PRDM11: variants seen among roughly 807,000 people sequenced by gnomAD.
PRDM11 encodes PR/SET domain 11, also known as PR domain-containing protein 11.
In PRDM11, 20 loss-of-function variants were observed where a neutral mutation model predicts 97.8. The observed-to-expected ratio is 0.20, with a 90% CI of 0.14 to 0.30. The LOEUF (loss-of-function observed/expected upper bound fraction) is 0.30. Ranked by LOEUF, PRDM11 falls within the 10% of genes least tolerant of loss-of-function variation. The pLI, the probability that PRDM11 is intolerant of heterozygous loss-of-function variation, is 1.00. For missense variants in PRDM11, 1,139 were observed against 1,555.2 expected (o/e 0.73, Z 4.50); for synonymous variants, 599 against 637.7 (o/e 0.94, Z 0.91).
At chr11:45,112,136 C>A (rs970937067) in intron 1 of PRDM11, among the ~76,000 whole-genome samples, 1 of 152,176 alleles carries the variant, frequency 6.6e-6, no homozygotes, top group Non-Finnish European at 1.5e-5. Context: ...TCCCTTATAT[C>A]ATTCTAATGC....
intron 1 of PRDM11, among the ~76,000 whole-genome samples, chr11:45,109,782 A>G (rs1590342169): frequency 1.3e-5 from 2 of 152,314 alleles, no homozygotes; most frequent in East Asian, 1.9e-4. Context: ...GCAAAAAGGT[A>G]GAAAGATTGA....
intron 1 of PRDM11, among the ~76,000 whole-genome samples, chr11:45,105,038 G>A (rs1391916847): frequency 2.0e-5 from 3 of 152,346 alleles, no homozygotes; most frequent in South Asian, 2.1e-4. Context: ...GAGCAAACAT[G>A]TATTTCTTAT....
chr11:45,178,444 C>T (rs1026259433), intron 1 of PRDM11, among the ~76,000 whole-genome samples: 1 of 152,196 alleles, frequency 6.6e-6, no homozygotes, highest in Non-Finnish European at 1.5e-5. Context: ...ATCCTACCCC[C>T]CAGTGCACCT....
intron 4 of PRDM11, among the ~76,000 whole-genome samples, chr11:45,197,274 T>G (rs1473103432): frequency 6.6e-6 from 1 of 152,084 alleles, no homozygotes; most frequent in African/African-American, 2.4e-5. Flanking sequence ...TGATACCAGT[T>G]ATAGGAGGAA....
chr11:45,208,485 T>C (rs1162090130), intron 5 of PRDM11, among the ~76,000 whole-genome samples: 1 of 152,216 alleles, frequency 6.6e-6, no homozygotes, highest in East Asian at 1.9e-4. Context: ...CTTTAAGAGA[T>C]TTTAAGCCCC....
upstream of PRDM11, among the ~76,000 whole-genome samples, chr11:45,141,851 T>C (rs1851411313): frequency 1.3e-5 from 2 of 152,198 alleles, no homozygotes; most frequent in African/African-American, 4.8e-5. Flanking sequence ...GCCTGGGTCA[T>C]GGACCAGTGC....
chr11:45,189,083 T>C (rs1014855345), intron 4 of PRDM11, among the ~76,000 whole-genome samples: 1 of 152,154 alleles, frequency 6.6e-6, no homozygotes, highest in Non-Finnish European at 1.5e-5. Context: ...GTATTTTTAG[T>C]AGAGACGGGG....
At chr11:45,156,973 G>C (rs983196486) in intron 1 of PRDM11, among the ~76,000 whole-genome samples, 9 of 152,182 alleles carry the variant, frequency 5.9e-5, no homozygotes, top group Non-Finnish European at 1.2e-4. Flanking sequence ...AGTGGAGTTG[G>C]CTGGGGAGAG....
At chr11:45,173,622 C>CAA (rs1163035481) in intron 1 of PRDM11, among the ~76,000 whole-genome samples, 2 of 68,358 alleles carry the variant, frequency 2.9e-5, no homozygotes, top group African/African-American at 4.7e-5. Context: ...AACACCGCGT[C>CAA]AAAAAAAAAA....
chr11:45,201,803 T>TAAA (rs375086298), intron 4 of PRDM11, among the ~76,000 whole-genome samples: 1 of 150,790 alleles, frequency 6.6e-6, no homozygotes, highest in African/African-American at 2.4e-5. Context: ...CTGTCTCTAC[T>TAAA]AAAAAAAAAC....
At chr11:45,221,698 T>A (rs1372360806) in intron 6 of PRDM11, among the ~76,000 whole-genome samples, 2 of 151,848 alleles carry the variant, frequency 1.3e-5, no homozygotes, top group Non-Finnish European at 2.9e-5. Context: ...CCGAGACATA[T>A]GAAGATACAG....
intron 1 of PRDM11, among the ~76,000 whole-genome samples, chr11:45,099,024 T>A (rs568140986): frequency 6.6e-6 from 1 of 151,980 alleles, no homozygotes; most frequent in South Asian, 2.1e-4. Context: ...TGGAGAGGGA[T>A]CATTGGCAGG....
At chr11:45,205,268 T>C (rs1421866331) in intron 5 of PRDM11, among the ~76,000 whole-genome samples, 2 of 152,204 alleles carry the variant, frequency 1.3e-5, no homozygotes, top group East Asian at 1.9e-4. Context: ...GTGTCAACTT[T>C]ACCCTGTTCC....
At chr11:45,156,849 A>C (rs948980444) in intron 1 of PRDM11, among the ~76,000 whole-genome samples, 2 of 152,122 alleles carry the variant, frequency 1.3e-5, no homozygotes, top group African/African-American at 4.8e-5. Context: ...GGGGTTTGCC[A>C]GGCGGAGGGA....
At chr11:45,211,738 G>A (rs1161172231) in intron 5 of PRDM11, among the ~76,000 whole-genome samples, 2 of 151,658 alleles carry the variant, frequency 1.3e-5, no homozygotes, top group Non-Finnish European at 2.9e-5. Flanking sequence ...TTCCCCCCAA[G>A]TCCGCAAAGT....
chr11:45,168,473 G>C (rs1341718564), intron 1 of PRDM11, among the ~76,000 whole-genome samples: 1 of 152,166 alleles, frequency 6.6e-6, no homozygotes, highest in Admixed American at 6.5e-5. Context: ...GGCTGCCTGC[G>C]CCGAGTGGCT....
At position 45,227,438 on chromosome 11, in the gene PRDM11, G is replaced by C. The variant is rs1590483564; in HGVS notation, c.2813G>C (p.Arg938Pro). ...EYLQEFEENF[R>P]ESFNGIAMKN... ...CTGCAGGAGTTCGAGGAGAATTTCC[G>C]AGAGAGCTTCAACGGGATCGCCATG... The change falls in exon 8 of 8, where the codon CGA (arginine) becomes CCA (proline). Residue 938 changes from arginine (R) to proline (P), a missense_variant. Transcript: ENST00000683152. The surrounding 1 kb of genome is among the most constrained non-coding windows in gnomAD (Gnocchi z 8.0). The C allele has an allele frequency of 6.5e-7, 1 of 1,533,728 alleles. No homozygotes were observed. The highest frequency in any genetic ancestry group is 8.7e-7 in the Non-Finnish European group (1 of 1,146,748).
chr11:45,094,451 G>T (rs1236497312), upstream of PRDM11, among the ~76,000 whole-genome samples: 1 of 151,848 alleles, frequency 6.6e-6, no homozygotes, highest in African/African-American at 2.4e-5. Context: ...GGTGGGGGAG[G>T]CTGAGAGAGC....
intron 1 of PRDM11, among the ~76,000 whole-genome samples, chr11:45,128,509 C>CT (rs1481150968): frequency 2.7e-5 from 4 of 150,756 alleles, no homozygotes; most frequent in Non-Finnish European, 5.9e-5. Flanking sequence ...CGCACCCCCC[C>CT]TCCCCCCGCT....
Sources: gnomAD v4.1 joint callset for allele counts (sites outside exome capture counted in the v4.1 genomes callset) on GRCh38, gnomAD v4.1.1 for gene constraint, Gnocchi (gnomAD v3.1) non-coding constraint, MANE v1.5 for transcripts, NCBI Gene and HGNC (gene_info 2026-07-23, HGNC 2026-07-21) for gene names.